The following CDYL2 variants were observed in gnomAD, a reference collection of about 807,000 sequenced individuals.
CDYL2 encodes chromodomain Y-like protein 2.
CDYL2 carries 23 observed loss-of-function variants against 49.4 expected under a neutral mutation model. The ratio of observed to expected loss-of-function variants is 0.47; its 90% CI spans 0.34 to 0.66. CDYL2 has a LOEUF of 0.66. CDYL2 is among the 30% of genes least tolerant of loss of function. The pLI, the probability that CDYL2 is intolerant of heterozygous loss-of-function variation, is 0.01. For synonymous variants in CDYL2, 360 were observed against 268.8 expected (o/e 1.34, Z -3.32); for missense variants, 678 against 656.4 (o/e 1.03, Z -0.36).
chr16:80,656,965 T>C (rs1332611690), intron 2 of CDYL2, among the ~76,000 whole-genome samples: 1 of 152,212 alleles, frequency 6.6e-6, no homozygotes, highest in African/African-American at 2.4e-5. Flanking sequence ...AGGGATGTGA[T>C]ATCCACGGCT....
At chr16:80,765,504 C>G (rs113880304) in intron 1 of CDYL2, among the ~76,000 whole-genome samples, 9 of 151,862 alleles carry the variant, frequency 5.9e-5, no homozygotes, top group African/African-American at 2.2e-4. Flanking sequence ...CACTGGAAAA[C>G]AGCCTGGCAG....
chr16:80,795,009 C>T (rs1408294222), intron 1 of CDYL2, among the ~76,000 whole-genome samples: 2 of 152,246 alleles, frequency 1.3e-5, no homozygotes, highest in Admixed American at 6.5e-5. Flanking sequence ...ACTGATGGAT[C>T]ATTAAACAAA....
chr16:80,604,413 A>G lies in CDYL2; in HGVS notation c.1496T>C (p.Leu499Pro). 6.2e-7 allele frequency: 1 copy of G among 1,614,192 alleles called. No individual in the cohort carries two copies. The highest frequency in any genetic ancestry group is 8.5e-7 in the Non-Finnish European group (1 of 1,180,016). The change falls in exon 7 of 7, where the codon CTG becomes CCG. Residue 499 changes from leucine (L) to proline (P), a missense_variant. Leu to Pro is a moderately conservative substitution (Grantham distance 98). Coordinates refer to ENST00000570137, the MANE Select transcript of CDYL2 (RefSeq NM_152342.4). ...SKGLDSLFSYLQDKIYEV is the reference protein window; with the variant it reads ...SKGLDSLFSYPQDKIYEV ...TCAGACTTCATAAATTTTGTCCTGC[A>G]GGTAGCTGAAAAGGGAGTCAAGGCC...
At chr16:80,683,983 A>G (rs1910071688) in intron 2 of CDYL2, among the ~76,000 whole-genome samples, 2 of 152,250 alleles carry the variant, frequency 1.3e-5, no homozygotes, top group African/African-American at 4.8e-5. Context: ...ATATAGGTCA[A>G]TCATCCAACC....
intron 1 of CDYL2, among the ~76,000 whole-genome samples, chr16:80,797,640 C>T (rs187077409): frequency 6.6e-6 from 1 of 152,254 alleles, no homozygotes; most frequent in African/African-American, 2.4e-5. Flanking sequence ...TGCCTAACTC[C>T]AAAGTTTATT....
intron 1 of CDYL2, among the ~76,000 whole-genome samples, chr16:80,749,361 A>G (rs542134542): frequency 6.6e-6 from 1 of 152,224 alleles, no homozygotes; most frequent in African/African-American, 2.4e-5. Context: ...TTTCACAATA[A>G]CAAATGCAAA....
chr16:80,765,292 C>T (rs1906681909), intron 1 of CDYL2, among the ~76,000 whole-genome samples: 1 of 151,342 alleles, frequency 6.6e-6, no homozygotes, highest in East Asian at 1.9e-4. Flanking sequence ...AACATTTATT[C>T]AATCTCTGGA....
chr16:80,789,413 G>A (rs1597134705), intron 1 of CDYL2, among the ~76,000 whole-genome samples: 1 of 151,898 alleles, frequency 6.6e-6, no homozygotes. Flanking sequence ...CAGCCTGGCC[G>A]ACATGGTGAA....
intron 1 of CDYL2, among the ~76,000 whole-genome samples, chr16:80,751,236 C>A (rs1219822884): frequency 6.6e-6 from 1 of 152,170 alleles, no homozygotes; most frequent in Non-Finnish European, 1.5e-5. Context: ...AATGTCCCTG[C>A]CAAGAGGAGG....
intron 2 of CDYL2, among the ~76,000 whole-genome samples, chr16:80,661,426 G>A (rs558709707): frequency 1.3e-5 from 2 of 152,178 alleles, no homozygotes; most frequent in Non-Finnish European, 2.9e-5. Flanking sequence ...CTCACAAGTT[G>A]CTGAGTGCCT....
At chr16:80,754,149 A>G (rs752116037) in intron 1 of CDYL2, among the ~76,000 whole-genome samples, 1 of 152,190 alleles carries the variant, frequency 6.6e-6, no homozygotes, top group East Asian at 1.9e-4. Context: ...ACGTGTGCCC[A>G]AGAGCCGCCA....
chr16:80,772,287 A>T (rs374833209), intron 1 of CDYL2, among the ~76,000 whole-genome samples: 1 of 152,234 alleles, frequency 6.6e-6, no homozygotes, highest in South Asian at 2.1e-4. Context: ...GTAAAGACAC[A>T]AAAATGAAAA....
At chr16:80,621,266 G>C (rs964403233) in intron 3 of CDYL2, among the ~76,000 whole-genome samples, 1 of 152,226 alleles carries the variant, frequency 6.6e-6, no homozygotes, top group Non-Finnish European at 1.5e-5. Context: ...TCTGGCATTT[G>C]CTTATTTAGC....
intron 1 of CDYL2, among the ~76,000 whole-genome samples, chr16:80,778,133 A>G (rs1480367755): frequency 6.6e-6 from 1 of 152,062 alleles, no homozygotes; most frequent in Non-Finnish European, 1.5e-5. Context: ...CAAGAAGAAA[A>G]AACAGTAAAC....
chr16:80,688,682 G>A (rs955613429), intron 1 of CDYL2, among the ~76,000 whole-genome samples: 5 of 152,114 alleles, frequency 3.3e-5, no homozygotes, highest in Non-Finnish European at 5.9e-5. Context: ...CATCTCTCAG[G>A]ACCTAATCTT....
intron 1 of CDYL2, among the ~76,000 whole-genome samples, chr16:80,742,530 A>G (rs1905777689): frequency 6.6e-6 from 1 of 150,922 alleles, no homozygotes; most frequent in South Asian, 2.1e-4. Flanking sequence ...GAATAGATGG[A>G]TGAATGAAAG....
chr16:80,621,859 T>C lies in CDYL2; in HGVS notation c.835-924A>G, dbSNP rs559596684. ...AGGCAGGTGGAGGGCAGGACAGAATTTGGGAGATAGACACAGGTGCCCTCG... is the reference window on the plus strand; with the variant it reads ...AGGCAGGTGGAGGGCAGGACAGAATCTGGGAGATAGACACAGGTGCCCTCG... On this transcript the variant is annotated intron_variant, in intron 3 of 6. Transcript: ENST00000570137. 2.0e-5 allele frequency among the ~76,000 whole-genome samples: 3 copies of C among 152,200 alleles called. No individual in the cohort carries two copies. The South Asian group carries it at 6.2e-4, about 32-fold the overall frequency.
intron 1 of CDYL2, among the ~76,000 whole-genome samples, chr16:80,691,407 A>C (rs1245330473): frequency 6.6e-6 from 1 of 152,252 alleles, no homozygotes; most frequent in African/African-American, 2.4e-5. Context: ...CGTCCAGTGC[A>C]GCAAAACTAC....
intron 2 of CDYL2, among the ~76,000 whole-genome samples, chr16:80,657,519 A>G (rs1350241236): frequency 3.9e-5 from 6 of 152,220 alleles, no homozygotes; most frequent in Non-Finnish European, 5.9e-5. Flanking sequence ...CCTTAAATAG[A>G]AGAAATGGCT....
Sources: gnomAD v4.1 joint callset for allele counts (sites outside exome capture counted in the v4.1 genomes callset) on GRCh38, gnomAD v4.1.1 for gene constraint, MANE v1.5 for transcripts, NCBI Gene and HGNC (gene_info 2026-07-23, HGNC 2026-07-21) for gene names.